The following SVEP1 variants were observed in gnomAD, a reference collection of about 807,000 sequenced individuals.
SVEP1 encodes sushi, von Willebrand factor type A, EGF and pentraxin domain containing 1.
SVEP1 carries 164 observed loss-of-function variants against 367.3 expected under a neutral mutation model. The ratio of observed to expected loss-of-function variants is 0.45; its 90% CI spans 0.39 to 0.51. The LOEUF (loss-of-function observed/expected upper bound fraction) is 0.51. SVEP1 is among the 20% of genes least tolerant of loss of function. SVEP1 has a pLI of 0.00. For synonymous variants in SVEP1, 1,666 were observed against 1,611.6 expected (o/e 1.03, Z -0.81); for missense variants, 4,117 against 4,425.3 (o/e 0.93, Z 1.98).
At chr9:110,566,151 C>T (rs1473763950) in intron 1 of SVEP1, among the ~76,000 whole-genome samples, 1 of 151,740 alleles carries the variant, frequency 6.6e-6, no homozygotes, top group Admixed American at 6.6e-5. Flanking sequence ...AACCACATCT[C>T]TACAAAAAAA....
intron 1 of SVEP1, among the ~76,000 whole-genome samples, chr9:110,555,010 G>A (rs1830338274): frequency 6.6e-6 from 1 of 152,120 alleles, no homozygotes; most frequent in Non-Finnish European, 1.5e-5. Flanking sequence ...GAGGTGGAAA[G>A]TTGTGTTTAC....
chr9:110,527,354 T>C (rs948629014), intron 3 of SVEP1, among the ~76,000 whole-genome samples: 1 of 152,028 alleles, frequency 6.6e-6, no homozygotes, highest in African/African-American at 2.4e-5. Context: ...TATCCAGAAA[T>C]ATTCAAAGCA....
Position 110,406,318 on chromosome 9 carries a change from A to G in SVEP1, c.9282T>C (p.Tyr3094=), listed in dbSNP as rs200784476. ...TCAGATCTGAACTGCCTTGTATGAC[A>G]TATCCAGACCTGCAGCTGTAAGTTA... ...NVITYSCRSG[Y]VIQGSSDLIC... Residue 3094 remains tyrosine (Y), a synonymous_variant, in exon 38 of 48, where the codon TAT becomes TAC. Transcript: ENST00000374469. 2.5e-4 allele frequency: 407 copies of G among 1,614,070 alleles called. No homozygotes were observed. Among genetic ancestry groups the G allele is most frequent in the Admixed American group, 4.8e-4 (29 of 60,030 alleles).
chr9:110,388,898 A>AG (rs1427344798), intron 41 of SVEP1, among the ~76,000 whole-genome samples: 1 of 152,136 alleles, frequency 6.6e-6, no homozygotes, highest in Non-Finnish European at 1.5e-5. Flanking sequence ...GAGCCCGGGA[A>AG]GTGGAGGTTG....
At chr9:110,369,760 T>C (rs1479926614) in intron 47 of SVEP1, 163 bp downstream of exon 47, 1 of 612,694 alleles carries the variant, frequency 1.6e-6, no homozygotes, top group East Asian at 2.8e-5. Flanking sequence ...TTCTTAGCTT[T>C]GGCTTTAATT....
intron 29 of SVEP1, 90 bp downstream of exon 29, chr9:110,435,151 C>T (rs1350462535): frequency 4.8e-6 from 7 of 1,455,530 alleles, no homozygotes; most frequent in Non-Finnish European, 5.5e-6. Flanking sequence ...TACGATTGGA[C>T]CGATAGAGAA....
chr9:110,518,378 C>T (rs757525482), intron 3 of SVEP1, among the ~76,000 whole-genome samples: 4 of 151,256 alleles, frequency 2.6e-5, no homozygotes, highest in South Asian at 2.1e-4. Context: ...GCCATGATAG[C>T]GCCATTGCAC....
chr9:110,533,594 C>CTATGTG (rs138678027), intron 3 of SVEP1, among the ~76,000 whole-genome samples: 1 of 146,606 alleles, frequency 6.8e-6, no homozygotes, highest in Non-Finnish European at 1.5e-5. Flanking sequence ...CTCTGTGTGT[C>CTATGTG]TGTGTGTGTG....
chr9:110,408,589 CTCCTTT>C lies in SVEP1; in HGVS notation c.7005_7010del (p.Lys2336_Glu2337del). The C allele has an allele frequency of 6.2e-7, 1 of 1,613,988 alleles. No individual in the cohort carries two copies. The highest frequency in any genetic ancestry group is 1.7e-5 in the Admixed American group (1 of 60,022). Reference sequence around the variant, plus strand: ...TCACAACTCCTACCTCGGTGGTCAACTCCTTTAATACTAGCTGGTTTTCCAAGAGGG... The same window carrying C: ...TCACAACTCCTACCTCGGTGGTCAACAATACTAGCTGGTTTTCCAAGAGGG... On this transcript the variant is annotated inframe_deletion, in exon 38 of 48. Coordinates refer to ENST00000374469, the MANE Select transcript of SVEP1 (RefSeq NM_153366.4).
intron 17 of SVEP1, 113 bp from the exon 18 acceptor site, chr9:110,466,139 G>T: frequency 8.9e-7 from 1 of 1,119,488 alleles, no homozygotes; most frequent in Non-Finnish European, 1.2e-6. Flanking sequence ...GACAGAATGA[G>T]GGACCCAGAG....
intron 26 of SVEP1, among the ~76,000 whole-genome samples, chr9:110,444,949 C>T (rs1828566482): frequency 6.6e-6 from 1 of 151,994 alleles, no homozygotes; most frequent in Non-Finnish European, 1.5e-5. Context: ...GAGACTTCTA[C>T]CAGAATAGTG....
chr9:110,548,691 A>G (rs1264656432), intron 2 of SVEP1, among the ~76,000 whole-genome samples: 1 of 152,088 alleles, frequency 6.6e-6, no homozygotes, highest in Non-Finnish European at 1.5e-5. Flanking sequence ...TTAGATCCAA[A>G]CCTGTTTAAA....
Position 110,407,895 on chromosome 9 carries a change from C to T in SVEP1, c.7705G>A (p.Gly2569Ser), listed in dbSNP as rs1827979996. 6.2e-7 allele frequency: 1 copy of T among 1,613,868 alleles called. No homozygotes were observed. Among genetic ancestry groups the T allele is most frequent in the Non-Finnish European group, 8.5e-7 (1 of 1,179,910 alleles). Residue 2569 changes from glycine (G) to serine (S), a missense_variant, in exon 38 of 48, where the codon GGT becomes AGT. This residue lies in a region of SVEP1 where 1,765 missense variants were observed against 1,781.1 expected (regional missense o/e 0.99). Transcript: ENST00000374469. ...PQPIENGFVE[G>S]ADYSYGAIII... ...ATGGCACCATAGCTGTAATCTGCAC[C>T]TTCTACAAAACCATTTTCAATGGGT...
intron 40 of SVEP1, among the ~76,000 whole-genome samples, chr9:110,390,039 A>G (rs1564127093): frequency 3.0e-5 from 2 of 66,508 alleles, no homozygotes; most frequent in Non-Finnish European, 7.2e-5. Flanking sequence ...ATATATATAT[A>G]AGTATATATA....
At chr9:110,474,969 T>C (rs1326602404) in intron 14 of SVEP1, among the ~76,000 whole-genome samples, 1 of 150,812 alleles carries the variant, frequency 6.6e-6, no homozygotes, top group Admixed American at 6.6e-5. Flanking sequence ...TATAATAATA[T>C]GTATATATCA....
intron 46 of SVEP1, among the ~76,000 whole-genome samples, chr9:110,374,071 G>A (rs1194465378): frequency 2.0e-5 from 3 of 152,228 alleles, no homozygotes; most frequent in African/African-American, 7.2e-5. Flanking sequence ...TGTCATGGGA[G>A]TTTGTTGTAC....
At chr9:110,532,234 T>C (rs928881388) in intron 3 of SVEP1, among the ~76,000 whole-genome samples, 1 of 152,164 alleles carries the variant, frequency 6.6e-6, no homozygotes, top group African/African-American at 2.4e-5. Context: ...GAGGAATTCA[T>C]AGAATATTAG....
At chr9:110,534,403 C>T (rs1588096462) in intron 3 of SVEP1, among the ~76,000 whole-genome samples, 3 of 152,198 alleles carry the variant, frequency 2.0e-5, no homozygotes, top group African/African-American at 7.2e-5. Context: ...GTACATGCAC[C>T]ACATTTTCTT....
chr9:110,458,601 A>G (rs758511761), intron 19 of SVEP1, 39 bp from the exon 20 acceptor site: 1 of 1,556,474 alleles, frequency 6.4e-7, no homozygotes, highest in South Asian at 1.2e-5. Context: ...TGTGGCAAAT[A>G]TGCCAGTAAG....
Sources: gnomAD v4.1 joint callset for allele counts (sites outside exome capture counted in the v4.1 genomes callset) on GRCh38, gnomAD v4.1.1 for gene constraint, gnomAD v4.1.1 regional missense constraint, MANE v1.5 for transcripts, NCBI Gene and HGNC (gene_info 2026-07-23, HGNC 2026-07-21) for gene names.